The following DCAF6 variants were observed in gnomAD, a reference collection of about 807,000 sequenced individuals.
The protein encoded by DCAF6 is DDB1- and CUL4-associated factor 6.
In DCAF6, 54 loss-of-function variants were observed where a neutral mutation model predicts 125.1. The ratio of observed to expected loss-of-function variants is 0.43; its 90% CI spans 0.35 to 0.54. DCAF6 has a LOEUF of 0.54. DCAF6 is among the 20% of genes least tolerant of loss of function. The pLI is 0.01. For missense variants in DCAF6, 934 were observed against 1,161.7 expected (o/e 0.80, Z 2.85); for synonymous variants, 371 against 390.4 (o/e 0.95, Z 0.58).
intron 20 of DCAF6, among the ~76,000 whole-genome samples, chr1:168,067,600 A>C (rs1692494518): frequency 6.6e-6 from 1 of 152,230 alleles, no homozygotes; most frequent in Admixed American, 6.5e-5. Flanking sequence ...CCTAGAGTAC[A>C]TGCACAAAAG....
chr1:168,012,169 T>A (rs138819017), intron 10 of DCAF6, among the ~76,000 whole-genome samples: 19 of 152,254 alleles, frequency 1.2e-4, no homozygotes, highest in African/African-American at 4.6e-4. Flanking sequence ...AGCAGGCAGA[T>A]AAAGTGCCAC....
At chr1:167,944,006 CTT>C (rs60872248) in intron 1 of DCAF6, among the ~76,000 whole-genome samples, 2 of 151,852 alleles carry the variant, frequency 1.3e-5, no homozygotes, top group Non-Finnish European at 2.9e-5. Flanking sequence ...ACCTGACTAA[CTT>C]TTTTTTTGTA....
chr1:168,029,989 A>G (rs557848744), intron 12 of DCAF6, among the ~76,000 whole-genome samples: 28 of 152,096 alleles, frequency 1.8e-4, no homozygotes, highest in African/African-American at 6.0e-4. Context: ...CAAAAAAAAA[A>G]AAAAGAAAAG....
intron 2 of DCAF6, among the ~76,000 whole-genome samples, chr1:167,964,863 C>G (rs1676158223): frequency 6.6e-6 from 1 of 152,164 alleles, no homozygotes; most frequent in South Asian, 2.1e-4. Context: ...CTTTCTGTTA[C>G]ATTGTTTTTG....
At chr1:168,034,069 A>T (rs1687492923) in intron 12 of DCAF6, among the ~76,000 whole-genome samples, 1 of 152,254 alleles carries the variant, frequency 6.6e-6, no homozygotes, top group Admixed American at 6.5e-5. Flanking sequence ...ACCAGTTATT[A>T]ATGTTGTTGA....
intron 2 of DCAF6, among the ~76,000 whole-genome samples, chr1:167,963,745 T>C (rs1675979490): frequency 6.6e-6 from 1 of 151,594 alleles, no homozygotes; most frequent in Admixed American, 6.6e-5. Context: ...TGGTTTTAAT[T>C]GAGCATTTCA....
intron 2 of DCAF6, among the ~76,000 whole-genome samples, chr1:167,963,249 G>C (rs997492040): frequency 6.6e-6 from 1 of 151,566 alleles, no homozygotes; most frequent in Admixed American, 6.6e-5. Context: ...GGGCAAAAGC[G>C]TGAAACTCTG....
chr1:167,920,166 A>G, the DCAF6 span: 21 of 882,280 alleles, frequency 2.4e-5, no homozygotes, highest in East Asian at 5.3e-4. Flanking sequence ...ATATTGAGTA[A>G]AGTAATTACA....
intron 12 of DCAF6, among the ~76,000 whole-genome samples, chr1:168,028,658 A>C (rs1247885341): frequency 6.6e-6 from 1 of 152,238 alleles, no homozygotes; most frequent in Non-Finnish European, 1.5e-5. Flanking sequence ...GATAATCAAA[A>C]ACCAGTGAAA....
At chr1:167,973,552 A>G (rs1405305282) in intron 3 of DCAF6, among the ~76,000 whole-genome samples, 1 of 152,176 alleles carries the variant, frequency 6.6e-6, no homozygotes, top group Non-Finnish European at 1.5e-5. Flanking sequence ...ATTCTTCAGT[A>G]AATAAGAGCA....
rs7514793 is a variant in DCAF6, at chr1:168,005,696, T to C, written c.1378+903T>C. Among the ~76,000 whole-genome samples, 805 of 152,294 alleles carry C rather than the reference T, an allele frequency of 5.3e-3. 5 individuals carry two copies. Among genetic ancestry groups the C allele is most frequent in the African/African-American group, 0.018 (761 of 41,578 alleles). ...AGCTGCCAAGCTGTCACTTTATTCT[T>C]ACATCTCTGGAAACTGATGCCAGAT... On this transcript the variant is annotated intron_variant, in intron 10 of 21. Transcript: ENST00000367840.
At chr1:167,872,162 A>G in the DCAF6 span, among the ~76,000 whole-genome samples, 2 of 152,122 alleles carry the variant, frequency 1.3e-5, no homozygotes, top group African/African-American at 4.8e-5. Flanking sequence ...AACATGGAGA[A>G]ACCCCGTCTC....
At chr1:167,994,422 T>A (rs953537899) in intron 7 of DCAF6, among the ~76,000 whole-genome samples, 1 of 152,154 alleles carries the variant, frequency 6.6e-6, no homozygotes, top group African/African-American at 2.4e-5. Flanking sequence ...GTATTACCAT[T>A]TACTCTTCAT....
the DCAF6 span, chr1:167,913,941 T>C: frequency 4.6e-5 from 7 of 152,278 alleles, no homozygotes; most frequent in Non-Finnish European, 2.9e-5. Context: ...AGCTCTGCAA[T>C]CAATCTTTCT....
At chr1:167,903,912 G>A in the DCAF6 span, 1 of 1,613,318 alleles carries the variant, frequency 6.2e-7, no homozygotes, top group Non-Finnish European at 8.5e-7. Context: ...TTATGTGGTA[G>A]TTGAGGATCT....
chr1:167,941,587 C>T (rs944295643), intron 1 of DCAF6, among the ~76,000 whole-genome samples: 5 of 151,804 alleles, frequency 3.3e-5, no homozygotes, highest in Admixed American at 1.3e-4. Context: ...CATATTGTTA[C>T]AACTGTTGGT....
At chr1:168,007,121 G>A (rs1683439163) in intron 10 of DCAF6, among the ~76,000 whole-genome samples, 1 of 152,108 alleles carries the variant, frequency 6.6e-6, no homozygotes, top group Non-Finnish European at 1.5e-5. Flanking sequence ...ACAATGAAAA[G>A]TACTCGTTTT....
At chr1:168,025,640 T>G (rs1049530882) in intron 12 of DCAF6, among the ~76,000 whole-genome samples, 2 of 152,180 alleles carry the variant, frequency 1.3e-5, no homozygotes, top group African/African-American at 4.8e-5. Flanking sequence ...TCACATTACC[T>G]AAAGATAACT....
At chr1:167,952,270 G>A (rs1013953801) in intron 2 of DCAF6, among the ~76,000 whole-genome samples, 18 of 151,914 alleles carry the variant, frequency 1.2e-4, no homozygotes, top group Admixed American at 1.1e-3. Context: ...GCGCAATCTC[G>A]GCTCACTGCA....
Sources: gnomAD v4.1 joint callset for allele counts (sites outside exome capture counted in the v4.1 genomes callset) on GRCh38, gnomAD v4.1.1 for gene constraint, MANE v1.5 for transcripts, NCBI Gene and HGNC (gene_info 2026-07-23, HGNC 2026-07-21) for gene names.